The following C13orf42 variants were observed in gnomAD, a reference collection of about 807,000 sequenced individuals.
C13orf42 encodes the protein chromosome 13 open reading frame 42.
intron 1 of C13orf42, chr13:51,171,843 T>C (rs1345534173): frequency 6.6e-6 from 1 of 152,148 alleles, no homozygotes; most frequent in African/African-American, 2.4e-5. Flanking sequence ...CCTGAGACGC[T>C]TTACAGCCCT....
In C13orf42 at chr13:51,160,032, G is replaced by C. The variant is rs181629519; in HGVS notation, n.136+12221C>G. On this transcript the variant is annotated intron_variant and non_coding_transcript_variant, in intron 1 of 4. Coordinates refer to the C13orf42 transcript ENST00000433280. ...TTGTGAGACTTACTCACTATCTCGA[G>C]AATAGCATGGGAAACACTGGCTCCC... 3.9e-5 allele frequency among the ~76,000 whole-genome samples: 6 copies of C among 152,338 alleles called. No homozygotes were observed. The East Asian group carries it at 1.2e-3, about 29-fold the overall frequency.
At chr13:51,084,668 G>T (rs969551794) in intron 3 of C13orf42, among the ~76,000 whole-genome samples, 2 of 152,268 alleles carry the variant, frequency 1.3e-5, no homozygotes, top group Admixed American at 6.5e-5. Context: ...AGCTGATGAG[G>T]CTTGACAGGC....
chr13:51,171,572 C>A (rs1008059805), intron 1 of C13orf42, among the ~76,000 whole-genome samples: 1 of 152,092 alleles, frequency 6.6e-6, no homozygotes, highest in African/African-American at 2.4e-5. Flanking sequence ...GAGCTAGGTC[C>A]CAATTCTTCC....
intron 1 of C13orf42, among the ~76,000 whole-genome samples, chr13:51,149,437 A>C (rs1953763454): frequency 6.6e-6 from 1 of 152,216 alleles, no homozygotes; most frequent in South Asian, 2.1e-4. Context: ...TACAGATGCA[A>C]ATGGAGTGAG....
chr13:51,140,569 G>C (rs568304955), intron 1 of C13orf42, among the ~76,000 whole-genome samples: 12 of 152,276 alleles, frequency 7.9e-5, no homozygotes, highest in African/African-American at 2.9e-4. Context: ...AGGACAATTT[G>C]CTGAGGTCTG....
intron 1 of C13orf42, among the ~76,000 whole-genome samples, chr13:51,171,544 G>C (rs919981175): frequency 6.6e-6 from 1 of 151,872 alleles, no homozygotes; most frequent in East Asian, 1.9e-4. Flanking sequence ...TCCTCCCCAG[G>C]CTGCTCCTGG....
intron 1 of C13orf42, among the ~76,000 whole-genome samples, chr13:51,152,382 C>G (rs1249818675): frequency 6.6e-6 from 1 of 152,240 alleles, no homozygotes; most frequent in African/African-American, 2.4e-5. Flanking sequence ...GGGTCTCACT[C>G]TGTTGCCAGG....
At chr13:51,132,735 C>T (rs1953627176) in intron 1 of C13orf42, among the ~76,000 whole-genome samples, 2 of 152,134 alleles carry the variant, frequency 1.3e-5, no homozygotes, top group Admixed American at 1.3e-4. Context: ...GCAACTCCAT[C>T]TTGAATAGGG....
At chr13:51,166,343 C>CA (rs1326263071) in intron 1 of C13orf42, among the ~76,000 whole-genome samples, 1 of 147,840 alleles carries the variant, frequency 6.8e-6, no homozygotes, top group Non-Finnish European at 1.5e-5. Flanking sequence ...ATCGCAAGAA[C>CA]AAAAAAACCA....
At chr13:51,163,712 G>T (rs1471314045) in intron 1 of C13orf42, among the ~76,000 whole-genome samples, 1 of 152,094 alleles carries the variant, frequency 6.6e-6, no homozygotes, top group African/African-American at 2.4e-5. Flanking sequence ...GCTGGCCCCT[G>T]CTGGGTTCCT....
chr13:51,120,840 CCT>C (rs1429208646), intron 1 of C13orf42, among the ~76,000 whole-genome samples: 2 of 152,064 alleles, frequency 1.3e-5, no homozygotes, highest in Non-Finnish European at 2.9e-5. Context: ...ATGGTGAAAC[CCT>C]GTCTCTACTA....
At chr13:51,115,917 T>G (rs995857728), upstream of C13orf42, among the ~76,000 whole-genome samples, 1 of 152,200 alleles carries the variant, frequency 6.6e-6, no homozygotes, top group African/African-American at 2.4e-5. Flanking sequence ...CAAGGTCCTG[T>G]GCTTTAGATC....
At chr13:51,161,816 G>T in intron 1 of C13orf42, 1 of 383,756 alleles carries the variant, frequency 2.6e-6, no homozygotes, top group Non-Finnish European at 5.0e-6. Flanking sequence ...GTTAGGCACT[G>T]TGAGGGATAG....
intron 1 of C13orf42, among the ~76,000 whole-genome samples, chr13:51,107,447 T>C (rs1953371024): frequency 6.6e-6 from 1 of 152,236 alleles, no homozygotes. Context: ...ATCCAAAATA[T>C]GTTTCTTACT....
intron 1 of C13orf42, among the ~76,000 whole-genome samples, chr13:51,088,887 T>C (rs1953155990): frequency 6.6e-6 from 1 of 152,178 alleles, no homozygotes; most frequent in Non-Finnish European, 1.5e-5. Context: ...CTTCATGATC[T>C]TCACAACAAT....
intron 1 of C13orf42, among the ~76,000 whole-genome samples, chr13:51,092,859 C>A (rs1953194742): frequency 6.6e-6 from 1 of 151,976 alleles, no homozygotes; most frequent in East Asian, 1.9e-4. Context: ...CTATGAACCC[C>A]ATATACTCAT....
At chr13:51,102,168 G>C (rs576950881) in intron 1 of C13orf42, among the ~76,000 whole-genome samples, 1 of 152,260 alleles carries the variant, frequency 6.6e-6, no homozygotes, top group African/African-American at 2.4e-5. Flanking sequence ...AAGTGATACA[G>C]ACAGCTCCCC....
At chr13:51,150,829 T>G (rs1953772936) in intron 1 of C13orf42, among the ~76,000 whole-genome samples, 1 of 152,242 alleles carries the variant, frequency 6.6e-6, no homozygotes, top group Non-Finnish European at 1.5e-5. Context: ...CTTGGTTCTA[T>G]GCAGATCTTG....
At chr13:51,170,026 TCCTTG>T (rs1953934435) in intron 1 of C13orf42, among the ~76,000 whole-genome samples, 1 of 152,048 alleles carries the variant, frequency 6.6e-6, no homozygotes, top group South Asian at 2.1e-4. Context: ...AAATGGCCGG[TCCTTG>T]CCTTAACTGA....
Sources: gnomAD v4.1 joint callset for allele counts (sites outside exome capture counted in the v4.1 genomes callset) on GRCh38, gnomAD v4.1.1 for gene constraint, MANE v1.5 for transcripts, NCBI Gene and HGNC (gene_info 2026-07-23, HGNC 2026-07-21) for gene names.